WWOX: variants seen among roughly 807,000 people sequenced by gnomAD.
WWOX encodes WW domain-containing oxidoreductase.
Under a neutral mutation model 46.2 loss-of-function variants are expected in WWOX, and 69 were observed. The observed-to-expected ratio is 1.49, with a 90% CI of 1.23 to 1.82. The LOEUF (loss-of-function observed/expected upper bound fraction) is 1.82. Among genes scored for constraint, WWOX ranks in the 40% most tolerant of loss-of-function variants. The probability of loss-of-function intolerance (pLI) is 0.00; values close to 1 mark genes in which losing one functional copy is unlikely to be tolerated. For synonymous variants in WWOX, 359 were observed against 202.6 expected, an observed-to-expected ratio of 1.77 and a Z score of -6.56; for missense variants, 919 against 542.6, an observed-to-expected ratio of 1.69 and a Z score of -6.89.
At chr16:78,397,603 T>C (rs1248422708) in intron 6 of WWOX, among the ~76,000 whole-genome samples, 1 of 152,194 alleles carries the variant, frequency 6.6e-6, no homozygotes, top group African/African-American at 2.4e-5. Context: ...ATTTGGGAAA[T>C]ATACCATGTA....
At chr16:78,538,909 G>A (rs2043822693) in intron 8 of WWOX, among the ~76,000 whole-genome samples, 1 of 152,174 alleles carries the variant, frequency 6.6e-6, no homozygotes, top group Admixed American at 6.5e-5. Flanking sequence ...TTGTTTATAT[G>A]TTTCTTCTGT....
intron 5 of WWOX, among the ~76,000 whole-genome samples, chr16:78,195,854 T>C (rs1266566380): frequency 6.8e-6 from 1 of 147,738 alleles, no homozygotes; most frequent in Non-Finnish European, 1.5e-5. Flanking sequence ...AAAAAAAAGA[T>C]TGAACATGTG....
chr16:78,545,594 A>AG (rs2151534122), intron 8 of WWOX, among the ~76,000 whole-genome samples: 1 of 152,312 alleles, frequency 6.6e-6, no homozygotes, highest in Admixed American at 6.5e-5. Context: ...AGTGATGCCC[A>AG]GGAATAGTCA....
In WWOX at chr16:79,212,489, AGGAAG is replaced by A. The variant is rs2051801510; in HGVS notation, c.*699_*703del. The A allele has an allele frequency of 4.6e-6, 1 of 218,736 alleles. No individual in the cohort carries two copies. Among genetic ancestry groups the A allele is most frequent in the Non-Finnish European group, 9.2e-6 (1 of 108,302 alleles). 13.5% of individuals were successfully genotyped at this position (218,736 alleles called of 1,614,324 possible). On this transcript the variant is annotated 3_prime_UTR_variant, in exon 9 of 9. Coordinates refer to ENST00000566780, the MANE Select transcript of WWOX (RefSeq NM_016373.4). ...TCATTCCTTAGATACCTTGAAAGGC[AGGAAG>A]GGAAGCGTATATACTTAAGAATACA...
chr16:78,690,719 A>G (rs2047965987), intron 8 of WWOX, among the ~76,000 whole-genome samples: 1 of 152,136 alleles, frequency 6.6e-6, no homozygotes, highest in Admixed American at 6.5e-5. Flanking sequence ...CACAGCCTGG[A>G]TGCATGTATG....
intron 8 of WWOX, among the ~76,000 whole-genome samples, chr16:79,199,438 C>T (rs78285849): frequency 2.6e-5 from 4 of 152,156 alleles, no homozygotes. Context: ...TGGACCCTCA[C>T]AGAAAGCGTC....
intron 5 of WWOX, among the ~76,000 whole-genome samples, chr16:78,347,350 C>G (rs919903010): frequency 2.5e-5 from 3 of 118,044 alleles, no homozygotes; most frequent in Non-Finnish European, 2.0e-5. Flanking sequence ...CAATATGACT[C>G]CTGTATCCAT....
At chr16:78,327,322 G>A (rs1046947700) in intron 5 of WWOX, among the ~76,000 whole-genome samples, 15 of 152,138 alleles carry the variant, frequency 9.9e-5, no homozygotes, top group Admixed American at 3.3e-4. Context: ...TGGGATGGGG[G>A]TGTGAAGCGT....
intron 8 of WWOX, among the ~76,000 whole-genome samples, chr16:78,560,240 A>G (rs1009442881): frequency 1.7e-4 from 26 of 152,332 alleles, no homozygotes; most frequent in African/African-American, 5.3e-4. Context: ...ATCTGTTTGG[A>G]TCTGAAATCT....
At chr16:78,792,992 C>G (rs1341485768) in intron 8 of WWOX, among the ~76,000 whole-genome samples, 1 of 152,190 alleles carries the variant, frequency 6.6e-6, no homozygotes, top group African/African-American at 2.4e-5. Flanking sequence ...CAAGTGATAC[C>G]ATTAAGTCCC....
intron 8 of WWOX, among the ~76,000 whole-genome samples, chr16:79,038,815 G>A (rs891658569): frequency 6.6e-6 from 1 of 152,040 alleles, no homozygotes; most frequent in Non-Finnish European, 1.5e-5. Context: ...CTCCCAAAGT[G>A]CTGGGATTAC....
chr16:78,232,792 C>G (rs2037308577), intron 5 of WWOX, among the ~76,000 whole-genome samples: 3 of 152,096 alleles, frequency 2.0e-5, no homozygotes, highest in Admixed American at 6.6e-5. Flanking sequence ...TATTATTTAT[C>G]AAGAAATTAA....
chr16:78,950,406 G>T (rs919895575), intron 8 of WWOX, among the ~76,000 whole-genome samples: 81 of 151,994 alleles, frequency 5.3e-4, no homozygotes, highest in Non-Finnish European at 9.3e-4. Context: ...AGAGGAAGGG[G>T]CTTTTTTGCC....
chr16:78,579,430 A>G (rs1306086696), intron 8 of WWOX, among the ~76,000 whole-genome samples: 1 of 152,178 alleles, frequency 6.6e-6, no homozygotes, highest in Non-Finnish European at 1.5e-5. Context: ...AAGGGTACTC[A>G]GGCTGAAGGA....
At chr16:78,709,846 A>G (rs1211231346) in intron 8 of WWOX, among the ~76,000 whole-genome samples, 1 of 151,378 alleles carries the variant, frequency 6.6e-6, no homozygotes, top group Non-Finnish European at 1.5e-5. Context: ...CTCCTGCCTG[A>G]GCCTCCCGAG....
chr16:78,348,672 G>A (rs1294611962), intron 5 of WWOX, among the ~76,000 whole-genome samples: 1 of 119,398 alleles, frequency 8.4e-6, no homozygotes, highest in African/African-American at 2.8e-5. Context: ...TGCCCAGGCT[G>A]GTCTCTAACT....
intron 8 of WWOX, among the ~76,000 whole-genome samples, chr16:78,639,603 G>A (rs1045789663): frequency 2.7e-5 from 4 of 150,478 alleles, no homozygotes; most frequent in Non-Finnish European, 5.9e-5. Flanking sequence ...CACTCTTGTT[G>A]CACAGGCTGG....
At chr16:78,581,376 A>G (rs1216721183) in intron 8 of WWOX, among the ~76,000 whole-genome samples, 1 of 152,218 alleles carries the variant, frequency 6.6e-6, no homozygotes, top group Admixed American at 6.5e-5. Context: ...TCATATGAAT[A>G]GATAATACAG....
In WWOX at chr16:78,173,042, C is replaced by T. The variant is rs145919600; in HGVS notation, c.516+8753C>T. 8.5e-5 allele frequency among the ~76,000 whole-genome samples: 13 copies of T among 152,284 alleles called. 1 individual carries two copies. Among genetic ancestry groups the T allele is most frequent in the African/African-American group, 3.1e-4 (13 of 41,552 alleles). On this transcript the variant is annotated intron_variant, in intron 5 of 8. Coordinates refer to ENST00000566780, the MANE Select transcript of WWOX (RefSeq NM_016373.4). ...ACGGTCCTTGTGGTGATAAAACTTC[C>T]CTACGCAAGGACAAGTAGAGAAACA...
Sources: gnomAD v4.1 joint callset for allele counts (sites outside exome capture counted in the v4.1 genomes callset) on GRCh38, gnomAD v4.1.1 for gene constraint, MANE v1.5 for transcripts, NCBI Gene and HGNC (gene_info 2026-07-23, HGNC 2026-07-21) for gene names.